PARD3B: variants seen among roughly 807,000 people sequenced by gnomAD.
PARD3B encodes the protein partitioning defective 3 homolog B.
In PARD3B, 103 loss-of-function variants were observed where a neutral mutation model predicts 130.2. That is an observed-to-expected ratio of 0.79 (90% CI 0.67 to 0.93). PARD3B has a LOEUF of 0.93. Among genes scored for constraint, PARD3B ranks in the 40% least tolerant of loss-of-function variants. The probability of loss-of-function intolerance (pLI) is 0.00; values close to 1 mark genes in which losing one functional copy is unlikely to be tolerated. For synonymous variants in PARD3B, 583 were observed against 553.2 expected (o/e 1.05, Z -0.76); for missense variants, 1,609 against 1,499.2 (o/e 1.07, Z -1.21).
intron 4 of PARD3B, among the ~76,000 whole-genome samples, chr2:205,073,583 A>C (rs1050562366): frequency 6.6e-6 from 1 of 152,186 alleles, no homozygotes; most frequent in Non-Finnish European, 1.5e-5. Flanking sequence ...AACTGGTAGA[A>C]ATTAGTTTAT....
chr2:204,754,649 T>C (rs922038818), intron 2 of PARD3B, among the ~76,000 whole-genome samples: 2 of 152,140 alleles, frequency 1.3e-5, no homozygotes, highest in Non-Finnish European at 2.9e-5. Context: ...AGGAATAGAT[T>C]TGGGTACAAA....
intron 2 of PARD3B, among the ~76,000 whole-genome samples, chr2:204,808,681 G>T (rs1575037131): frequency 6.6e-6 from 1 of 152,106 alleles, no homozygotes; most frequent in African/African-American, 2.4e-5. Context: ...TTTGATGGCT[G>T]AATAGTATTC....
intron 15 of PARD3B, among the ~76,000 whole-genome samples, chr2:205,222,515 T>C (rs1302682186): frequency 6.6e-6 from 1 of 152,222 alleles, no homozygotes; most frequent in Non-Finnish European, 1.5e-5. Flanking sequence ...TGACACATGC[T>C]AAATTGGTAA....
intron 20 of PARD3B, among the ~76,000 whole-genome samples, chr2:205,465,016 G>A (rs1020020783): frequency 1.3e-5 from 2 of 152,110 alleles, no homozygotes; most frequent in African/African-American, 2.4e-5. Flanking sequence ...ACATGACTTC[G>A]TTACATCTCA....
chr2:205,031,352 A>G (rs1443736918), intron 3 of PARD3B, among the ~76,000 whole-genome samples: 1 of 152,178 alleles, frequency 6.6e-6, no homozygotes, highest in Non-Finnish European at 1.5e-5. Flanking sequence ...TGTAGCTTAT[A>G]AGGGCAATTC....
At chr2:205,368,297 G>T (rs1400609861) in intron 18 of PARD3B, among the ~76,000 whole-genome samples, 3 of 152,122 alleles carry the variant, frequency 2.0e-5, no homozygotes, top group Non-Finnish European at 4.4e-5. Context: ...AGTCTCAGTT[G>T]TTTGTAGTAT....
At chr2:204,805,975 T>C (rs773871294) in intron 2 of PARD3B, among the ~76,000 whole-genome samples, 3 of 151,988 alleles carry the variant, frequency 2.0e-5, no homozygotes, top group South Asian at 2.1e-4. Context: ...AACATTGATG[T>C]GAGAAATTGA....
At chr2:205,067,769 G>C (rs1001807193) in intron 4 of PARD3B, among the ~76,000 whole-genome samples, 2 of 152,018 alleles carry the variant, frequency 1.3e-5, no homozygotes, top group African/African-American at 4.8e-5. Context: ...TTTAGATGAT[G>C]CTATTTTTTC....
At chr2:204,903,816 T>C (rs1315576655) in intron 2 of PARD3B, among the ~76,000 whole-genome samples, 1 of 152,190 alleles carries the variant, frequency 6.6e-6, no homozygotes, top group Non-Finnish European at 1.5e-5. Flanking sequence ...AAATGGCAAA[T>C]AGAGGAAATT....
chr2:205,342,876 C>T (rs566227117), intron 18 of PARD3B, among the ~76,000 whole-genome samples: 122 of 152,192 alleles, frequency 8.0e-4, no homozygotes, highest in Non-Finnish European at 1.4e-3. Flanking sequence ...ATTAATTTAA[C>T]GGAAAATTGC....
At chr2:205,019,132 A>G (rs1046690436) in intron 3 of PARD3B, among the ~76,000 whole-genome samples, 1 of 152,064 alleles carries the variant, frequency 6.6e-6, no homozygotes. Context: ...AATACTCCCC[A>G]ATTTCCCTAC....
Position 205,616,066 on chromosome 2 carries a change from T to G in PARD3B, c.*253T>G, listed in dbSNP as rs2055424064. Reference sequence around the variant, plus strand: ...AAAACTACCTGATAGTTGAAACGCTTTCAGAGTTGTTCAAATCAGTGAGAG... The same window carrying G: ...AAAACTACCTGATAGTTGAAACGCTGTCAGAGTTGTTCAAATCAGTGAGAG... On this transcript the variant is annotated 3_prime_UTR_variant, in exon 23 of 23. Coordinates refer to ENST00000406610, the MANE Select transcript of PARD3B (RefSeq NM_001302769.2). 4.2e-6 allele frequency: 2 copies of G among 480,342 alleles called. No homozygotes were observed. The highest frequency in any genetic ancestry group is 6.9e-5 in the East Asian group (2 of 28,956). 29.8% of individuals were successfully genotyped at this position (480,342 alleles called of 1,614,324 possible).
intron 2 of PARD3B, among the ~76,000 whole-genome samples, chr2:204,941,457 A>G (rs750354650): frequency 5.3e-5 from 8 of 152,254 alleles, no homozygotes; most frequent in Non-Finnish European, 1.0e-4. Context: ...TATGAGTGGC[A>G]TAAAAAAGTT....
chr2:204,663,053 T>C (rs2035882645), intron 1 of PARD3B, among the ~76,000 whole-genome samples: 1 of 152,202 alleles, frequency 6.6e-6, no homozygotes, highest in African/African-American at 2.4e-5. Context: ...ACACCAAAAC[T>C]AACCATATAG....
At chr2:205,227,452 A>G (rs780871987) in intron 15 of PARD3B, among the ~76,000 whole-genome samples, 6 of 151,976 alleles carry the variant, frequency 3.9e-5, no homozygotes, top group Non-Finnish European at 7.4e-5. Context: ...GTCTCTTTTC[A>G]TAATTTTTGC....
intron 1 of PARD3B, among the ~76,000 whole-genome samples, chr2:204,654,694 G>A (rs2035587501): frequency 6.6e-6 from 1 of 152,148 alleles, no homozygotes; most frequent in Admixed American, 6.5e-5. Context: ...TGAGGGAAGT[G>A]TTTTACCAGG....
intron 20 of PARD3B, among the ~76,000 whole-genome samples, chr2:205,450,008 C>G (rs1337443262): frequency 6.6e-6 from 1 of 152,150 alleles, no homozygotes; most frequent in Non-Finnish European, 1.5e-5. Flanking sequence ...TTTATCTTTC[C>G]AGGGCCTTGG....
rs558935604 is a variant in PARD3B at position 205,325,371 on chromosome 2, C to T, written c.2630+23670C>T. Among the ~76,000 whole-genome samples the T allele has an allele frequency of 1.3e-5, 2 of 152,166 alleles. No homozygotes were observed. Among genetic ancestry groups the T allele is most frequent in the Admixed American group, 1.3e-4 (2 of 15,274 alleles). ...TTCATATTCCCTGTGACTACAATGC[C>T]CTTTCCCCATCCTTCAATCCACACT... On this transcript the variant is annotated intron_variant, in intron 18 of 22. Transcript: ENST00000406610. The surrounding 1 kb of genome is among the most constrained non-coding windows in gnomAD (Gnocchi z 4.1).
At chr2:204,706,172 G>A (rs931638321) in intron 2 of PARD3B, among the ~76,000 whole-genome samples, 3 of 151,928 alleles carry the variant, frequency 2.0e-5, no homozygotes, top group Non-Finnish European at 4.4e-5. Context: ...TCGAGACCAT[G>A]CTGGCTAACA....
Sources: gnomAD v4.1 joint callset for allele counts (sites outside exome capture counted in the v4.1 genomes callset) on GRCh38, gnomAD v4.1.1 for gene constraint, Gnocchi (gnomAD v3.1) non-coding constraint, MANE v1.5 for transcripts, NCBI Gene and HGNC (gene_info 2026-07-23, HGNC 2026-07-21) for gene names.